Variants in TPTE observed in about 807,000 individuals in gnomAD.
The protein encoded by TPTE is transmembrane phosphatase with tensin homology.
In TPTE, 59 loss-of-function variants were observed where a neutral mutation model predicts 84.1. The observed-to-expected ratio is 0.70, with a 90% confidence interval of 0.57 to 0.87. The LOEUF is 0.87. Among genes scored for constraint, TPTE ranks in the 40% least tolerant of loss-of-function variants. The pLI is 0.00. For missense variants in TPTE, 382 were observed against 659.6 expected (o/e 0.58, Z 4.61); for synonymous variants, 130 against 223.5 (o/e 0.58, Z 3.73).
rs1294753744 is a variant in TPTE at position 10,598,762 on chromosome 21, G to A, written c.1356+668G>A. On this transcript the variant is annotated intron_variant, in intron 21 of 23. Coordinates refer to ENST00000618007, the MANE Select transcript of TPTE (RefSeq NM_199261.4). ...CTATATACCTTTTCTGAAACAGAAA[G>A]CATCTTTCATGGTCTAATAACCATA... Among the ~76,000 whole-genome samples the A allele has an allele frequency of 7.2e-5, 11 of 152,402 alleles. No individual in the cohort carries two copies. In the South Asian group the frequency reaches 1.0e-3, roughly 14 times the overall value.
In TPTE at chr21:10,605,716, A is replaced by T; in HGVS notation, c.*164A>T. The T allele has an allele frequency of 4.1e-6, 5 of 1,220,980 alleles. No homozygotes were observed. Among genetic ancestry groups the T allele is most frequent in the Non-Finnish European group, 5.3e-6 (5 of 935,800 alleles). 75.6% of individuals were successfully genotyped at this position (1,220,980 alleles called of 1,614,324 possible). On this transcript the variant is annotated 3_prime_UTR_variant, in exon 24 of 24. Coordinates refer to ENST00000618007, the MANE Select transcript of TPTE (RefSeq NM_199261.4). ...AATCTATTACATATATATAGATAAA[A>T]TGTCAGTGTCTTTCTTCTTTTTTGA...
intron 10 of TPTE, among the ~76,000 whole-genome samples, chr21:10,565,102 G>A (rs1020178101): frequency 8.5e-5 from 13 of 152,306 alleles, no homozygotes; most frequent in Admixed American, 2.0e-4. Flanking sequence ...ATTTTATTTG[G>A]AAAATACTAA....
intron 20 of TPTE, among the ~76,000 whole-genome samples, chr21:10,596,294 T>G (rs561827105): frequency 6.6e-6 from 1 of 152,428 alleles, no homozygotes; most frequent in Admixed American, 6.5e-5. Context: ...TCACTTTTTC[T>G]TTTCCATCAC....
At chr21:10,529,344 G>A (rs910686251) in intron 3 of TPTE, among the ~76,000 whole-genome samples, 1 of 152,310 alleles carries the variant, frequency 6.6e-6, no homozygotes, top group African/African-American at 2.4e-5. Context: ...ATGCAAAGAT[G>A]GAATATCCAA....
At chr21:10,597,782 A>C (rs1217122132) in intron 20 of TPTE, among the ~76,000 whole-genome samples, 1 of 151,502 alleles carries the variant, frequency 6.6e-6, no homozygotes, top group Non-Finnish European at 1.5e-5. Context: ...AAGCTGAACT[A>C]TATGTATTTT....
Position 10,548,025 on chromosome 21 carries a change from C to G in TPTE, c.174-4632C>G, listed in dbSNP as rs546284235. 4.7e-4 allele frequency among the ~76,000 whole-genome samples: 71 copies of G among 152,396 alleles called. No individual in the cohort carries two copies. The East Asian group carries it at 0.014, about 29-fold the overall frequency. The stretch of plus-strand genomic sequence containing the variant: ...AAACAGCCTTGCGGGCCCCATCAAC[C>G]ACAGACATGCTCCTGGCGTGCCCAG... On this transcript the variant is annotated intron_variant, in intron 7 of 23. Transcript: ENST00000618007.
intron 8 of TPTE, among the ~76,000 whole-genome samples, chr21:10,555,917 A>G (rs369867817): frequency 2.0e-4 from 30 of 152,416 alleles, no homozygotes; most frequent in Middle Eastern, 3.4e-3. Flanking sequence ...CTTTACTTCT[A>G]TCTTCTTCCA....
intron 10 of TPTE, among the ~76,000 whole-genome samples, chr21:10,562,155 G>A (rs539307051): frequency 1.3e-5 from 2 of 152,426 alleles, no homozygotes; most frequent in South Asian, 4.1e-4. Flanking sequence ...ACCACTATGA[G>A]TCTGCAAGAA....
At chr21:10,602,320 G>A (rs1452580207) in intron 22 of TPTE, among the ~76,000 whole-genome samples, 170 bp downstream of exon 22, 5 of 152,260 alleles carry the variant, frequency 3.3e-5, no homozygotes, top group African/African-American at 1.2e-4. Flanking sequence ...AATAATTTTT[G>A]TTCATTTGTT....
At chr21:10,578,108 A>T (rs1308315990) in intron 15 of TPTE, among the ~76,000 whole-genome samples, 1 of 152,298 alleles carries the variant, frequency 6.6e-6, no homozygotes, top group Non-Finnish European at 1.5e-5. Context: ...TAAAAATTAT[A>T]CCTATTAAAC....
chr21:10,583,579 G>A (rs1336003849), intron 17 of TPTE, among the ~76,000 whole-genome samples: 109 of 152,188 alleles, frequency 7.2e-4, no homozygotes, highest in African/African-American at 2.4e-3. Context: ...GTTCTTAGTT[G>A]TATTACCGTC....
chr21:10,557,516 G>C (rs1479118660), intron 8 of TPTE, among the ~76,000 whole-genome samples: 1 of 152,308 alleles, frequency 6.6e-6, no homozygotes, highest in African/African-American at 2.4e-5. Context: ...TTGATACCCA[G>C]AGATCTAGTA....
intron 11 of TPTE, among the ~76,000 whole-genome samples, chr21:10,568,551 G>A (rs12626977): frequency 0.035 from 4,792 of 138,578 alleles, no homozygotes; most frequent in East Asian, 0.1. Context: ...TTGTTCATGG[G>A]TCAAATAGCT....
chr21:10,544,946 C>A (rs1374106710), intron 7 of TPTE, among the ~76,000 whole-genome samples: 1 of 152,304 alleles, frequency 6.6e-6, no homozygotes, highest in African/African-American at 2.4e-5. Context: ...AATTTCATTA[C>A]AAACATCTAA....
chr21:10,576,362 A>G (rs2075149310), intron 14 of TPTE: 2 of 245,704 alleles, frequency 8.1e-6, no homozygotes, highest in Middle Eastern at 1.1e-3. Context: ...GGAAAAGGGA[A>G]GCAAGCACAA....
At chr21:10,560,585 A>G (rs1207299232) in intron 9 of TPTE, among the ~76,000 whole-genome samples, 1 of 152,308 alleles carries the variant, frequency 6.6e-6, no homozygotes, top group South Asian at 2.1e-4. Context: ...TGGTCTTTTA[A>G]GAGCTTATGT....
chr21:10,529,270 A>G (rs149345216), intron 3 of TPTE, among the ~76,000 whole-genome samples: 3,795 of 151,010 alleles, frequency 0.025, 1 homozygote, highest in African/African-American at 0.089. Context: ...TGTGATATCT[A>G]AAAGTTCATT....
intron 21 of TPTE, among the ~76,000 whole-genome samples, chr21:10,599,574 CTAAA>C (rs1254571090): frequency 1.3e-5 from 2 of 152,310 alleles, no homozygotes; most frequent in East Asian, 1.9e-4. Context: ...CTATAAATCA[CTAAA>C]TAAGTGTTAT....
intron 3 of TPTE, among the ~76,000 whole-genome samples, chr21:10,532,898 G>T (rs2074203598): frequency 1.3e-5 from 2 of 152,304 alleles, no homozygotes; most frequent in African/African-American, 4.8e-5. Flanking sequence ...TATGATGTTG[G>T]TCTGTCCTTG....
Sources: gnomAD v4.1 joint callset for allele counts (sites outside exome capture counted in the v4.1 genomes callset) on GRCh38, gnomAD v4.1.1 for gene constraint, MANE v1.5 for transcripts, NCBI Gene and HGNC (gene_info 2026-07-23, HGNC 2026-07-21) for gene names.